STK32A: variants seen among roughly 807,000 people sequenced by gnomAD.
STK32A encodes serine/threonine-protein kinase 32A.
STK32A carries 41 observed loss-of-function variants against 53.2 expected under a neutral mutation model. The ratio of observed to expected loss-of-function variants is 0.77; its 90% CI spans 0.60 to 1.00. The LOEUF is 1.00. STK32A is among the 50% of genes least tolerant of loss of function. The probability of loss-of-function intolerance (pLI) is 0.00; values close to 1 mark genes in which losing one functional copy is unlikely to be tolerated. For synonymous variants in STK32A, 166 were observed against 162.8 expected, an observed-to-expected ratio of 1.02 and a Z score of -0.15; for missense variants, 458 against 485.8, an observed-to-expected ratio of 0.94 and a Z score of 0.54.
intron 4 of STK32A, among the ~76,000 whole-genome samples, chr5:147,288,707 A>T (rs1752460137): frequency 6.6e-6 from 1 of 152,126 alleles, no homozygotes; most frequent in African/African-American, 2.4e-5. Flanking sequence ...CACCAAGAGG[A>T]TGGTGTGAAA....
chr5:147,297,489 G>A (rs1752921494), intron 4 of STK32A, among the ~76,000 whole-genome samples: 1 of 152,162 alleles, frequency 6.6e-6, no homozygotes, highest in South Asian at 2.1e-4. Flanking sequence ...ACCACAGAGT[G>A]GAGTGCTTTT....
intron 7 of STK32A, among the ~76,000 whole-genome samples, chr5:147,359,223 T>C (rs1280482545): frequency 6.6e-6 from 1 of 152,178 alleles, no homozygotes; most frequent in Admixed American, 6.5e-5. Context: ...CCTGCTCTGG[T>C]TTCTCAGCTA....
At chr5:147,304,455 G>A (rs770815092) in intron 4 of STK32A, among the ~76,000 whole-genome samples, 3 of 152,154 alleles carry the variant, frequency 2.0e-5, no homozygotes, top group Non-Finnish European at 4.4e-5. Flanking sequence ...TAGGCAGTAA[G>A]TGAATCTGGA....
At chr5:147,305,340 C>G (rs890664500) in intron 4 of STK32A, among the ~76,000 whole-genome samples, 1 of 152,138 alleles carries the variant, frequency 6.6e-6, no homozygotes, top group Non-Finnish European at 1.5e-5. Context: ...CAGGCTCCTC[C>G]CCCTGCAAAC....
chr5:147,325,666 A>C (rs1754547119), intron 5 of STK32A, among the ~76,000 whole-genome samples: 1 of 152,204 alleles, frequency 6.6e-6, no homozygotes, highest in South Asian at 2.1e-4. Context: ...AAATGAAAGC[A>C]GACCAGTTAA....
chr5:147,286,479 T>G (rs546887653), intron 4 of STK32A, among the ~76,000 whole-genome samples: 1 of 152,296 alleles, frequency 6.6e-6, no homozygotes, highest in Admixed American at 6.5e-5. Flanking sequence ...GCTTACACCC[T>G]GGTTTTTCAG....
the STK32A span, chr5:147,400,697 C>A: frequency 8.1e-6 from 13 of 1,613,958 alleles, no homozygotes; most frequent in Non-Finnish European, 1.1e-5. Flanking sequence ...CTTACCACAG[C>A]CTTGTCCCAG....
At chr5:147,380,491 A>G (rs1032420073) in intron 11 of STK32A, among the ~76,000 whole-genome samples, 5 of 148,642 alleles carry the variant, frequency 3.4e-5, no homozygotes, top group Admixed American at 3.3e-4. Context: ...ATAATAAATG[A>G]CTGAATGATT....
intron 4 of STK32A, among the ~76,000 whole-genome samples, chr5:147,293,247 T>C (rs527367425): frequency 6.6e-6 from 1 of 152,256 alleles, no homozygotes; most frequent in Non-Finnish European, 1.5e-5. Context: ...GACATAACAA[T>C]CGTAATTATT....
chr5:147,307,236 T>C (rs1581068526), intron 4 of STK32A, among the ~76,000 whole-genome samples: 1 of 152,182 alleles, frequency 6.6e-6, no homozygotes, highest in East Asian at 1.9e-4. Flanking sequence ...ATAATGGTTT[T>C]TTTTTTAACA....
intron 2 of STK32A, among the ~76,000 whole-genome samples, chr5:147,254,457 A>G (rs1754135343): frequency 2.0e-5 from 3 of 152,212 alleles, no homozygotes; most frequent in East Asian, 1.9e-4. Flanking sequence ...TGTTATATAT[A>G]AAGTTTCAGT....
At chr5:147,292,466 T>C (rs1384152592) in intron 4 of STK32A, among the ~76,000 whole-genome samples, 1 of 152,248 alleles carries the variant, frequency 6.6e-6, no homozygotes, top group African/African-American at 2.4e-5. Context: ...CATAAAAGTA[T>C]ACTTTACTTA....
intron 4 of STK32A, among the ~76,000 whole-genome samples, chr5:147,315,862 T>G (rs550342695): frequency 1.3e-5 from 2 of 152,310 alleles, no homozygotes; most frequent in African/African-American, 4.8e-5. Context: ...TTTGAAAATA[T>G]GTACATACTT....
chr5:147,353,039 C>A (rs1340232627), intron 7 of STK32A, among the ~76,000 whole-genome samples: 1 of 152,170 alleles, frequency 6.6e-6, no homozygotes, highest in Non-Finnish European at 1.5e-5. Context: ...AAGCTCTTAG[C>A]GTAATTCCTC....
downstream of STK32A, among the ~76,000 whole-genome samples, chr5:147,388,835 C>T (rs529659989): frequency 7.9e-5 from 12 of 152,286 alleles, no homozygotes; most frequent in African/African-American, 2.9e-4. Context: ...AAAACCACTT[C>T]ATGCCTTTCA....
chr5:147,283,473 A>C (rs1581037256), intron 4 of STK32A, among the ~76,000 whole-genome samples: 1 of 18,306 alleles, frequency 5.5e-5, no homozygotes, highest in Non-Finnish European at 1.2e-4. Context: ...ATTGAAACAA[A>C]AAAAAAAAAA....
chr5:147,364,924 C>T (rs990412721), intron 8 of STK32A, among the ~76,000 whole-genome samples: 2 of 152,158 alleles, frequency 1.3e-5, no homozygotes, highest in Non-Finnish European at 2.9e-5. Flanking sequence ...TGGATGCAAT[C>T]AGTGATTCCT....
intron 5 of STK32A, among the ~76,000 whole-genome samples, chr5:147,325,474 C>T (rs916417617): frequency 6.6e-6 from 1 of 152,148 alleles, no homozygotes; most frequent in Non-Finnish European, 1.5e-5. Flanking sequence ...TTGATGAGTA[C>T]AGAGCCTATA....
chr5:147,263,234 A>G (rs976894935), intron 2 of STK32A, among the ~76,000 whole-genome samples: 2 of 152,212 alleles, frequency 1.3e-5, no homozygotes, highest in Non-Finnish European at 2.9e-5. Context: ...GATTTTGACC[A>G]ATCCAAGAAG....
Sources: allele counts gnomAD v4.1 joint callset (sites outside exome capture counted in the v4.1 genomes callset), GRCh38; gene constraint gnomAD v4.1.1; transcripts MANE v1.5; gene names NCBI Gene and HGNC (gene_info 2026-07-23, HGNC 2026-07-21).